The following RBFOX1 variants were observed in gnomAD, a reference collection of about 807,000 sequenced individuals.
RBFOX1 encodes RNA binding protein fox-1 homolog 1.
RBFOX1 carries 8 observed loss-of-function variants against 57.7 expected under a neutral mutation model. That is an observed-to-expected ratio of 0.14 (90% CI 0.08 to 0.25). The LOEUF is 0.25. Among genes scored for constraint, RBFOX1 ranks in the 10% least tolerant of loss-of-function variants. RBFOX1 has a pLI of 1.00. For synonymous variants in RBFOX1, 326 were observed against 222.4 expected, an observed-to-expected ratio of 1.47 and a Z score of -4.15; for missense variants, 611 against 548.5, an observed-to-expected ratio of 1.11 and a Z score of -1.14.
At chr16:5,784,158 A>C (rs2054418578) in intron 3 of RBFOX1, among the ~76,000 whole-genome samples, 1 of 152,144 alleles carries the variant, frequency 6.6e-6, no homozygotes, top group African/African-American at 2.4e-5. Context: ...GCGGTGGCTC[A>C]CGCCTATAAT....
chr16:6,940,428 TTCTC>T (rs1278506086), intron 3 of RBFOX1, among the ~76,000 whole-genome samples: 1 of 152,206 alleles, frequency 6.6e-6, no homozygotes, highest in African/African-American at 2.4e-5. Flanking sequence ...TCCTTTAATC[TTCTC>T]TCTGTCCACA....
chr16:6,899,014 C>T (rs572337713), intron 3 of RBFOX1, among the ~76,000 whole-genome samples: 750 of 50,130 alleles, frequency 0.015, 5 homozygotes, highest in African/African-American at 0.14. Flanking sequence ...TATGCATGCG[C>T]GTCTCTGTGT....
chr16:5,956,650 ATATATATT>A, intron 4 of RBFOX1, among the ~76,000 whole-genome samples: 2 of 82,712 alleles, frequency 2.4e-5, no homozygotes, highest in African/African-American at 8.9e-5. Context: ...ATATATATAT[ATATATATT>A]TATATATATA....
chr16:5,677,982 C>T (rs1296349749), intron 3 of RBFOX1, among the ~76,000 whole-genome samples: 1 of 152,214 alleles, frequency 6.6e-6, no homozygotes, highest in Non-Finnish European at 1.5e-5. Flanking sequence ...TGGTGGAGCA[C>T]CGTGGGGCTC....
At chr16:7,346,241 G>A (rs1387186682) in intron 4 of RBFOX1, among the ~76,000 whole-genome samples, 1 of 151,972 alleles carries the variant, frequency 6.6e-6, no homozygotes, top group East Asian at 2.0e-4. Context: ...TGGACATTTG[G>A]TTTGGTTCCA....
At chr16:7,099,647 T>C (rs2062321062) in intron 4 of RBFOX1, among the ~76,000 whole-genome samples, 3 of 152,148 alleles carry the variant, frequency 2.0e-5, no homozygotes, top group Admixed American at 1.3e-4. Context: ...CTTGCTTTTA[T>C]ACATTTAGGG....
At chr16:6,992,855 G>C (rs898762790) in intron 3 of RBFOX1, among the ~76,000 whole-genome samples, 2 of 85,692 alleles carry the variant, frequency 2.3e-5, no homozygotes, top group African/African-American at 8.6e-5. Context: ...AAAAAAAAAA[G>C]ATTTGTGATA....
chr16:5,446,549 C>T (rs2068244918), intron 1 of RBFOX1, among the ~76,000 whole-genome samples: 1 of 152,086 alleles, frequency 6.6e-6, no homozygotes, highest in East Asian at 1.9e-4. Context: ...CTGTCCTCTT[C>T]CTCCTCCTCC....
At chr16:6,242,793 AAC>A (rs2097547019) in intron 1 of RBFOX1, among the ~76,000 whole-genome samples, 3 of 152,150 alleles carry the variant, frequency 2.0e-5, no homozygotes, top group Non-Finnish European at 1.5e-5. Flanking sequence ...ATAAACACAT[AAC>A]CCTTGTTTTA....
At chr16:5,414,917 T>C (rs2067121416) in intron 1 of RBFOX1, among the ~76,000 whole-genome samples, 1 of 152,086 alleles carries the variant, frequency 6.6e-6, no homozygotes, top group Non-Finnish European at 1.5e-5. Flanking sequence ...GGTGCAGGGG[T>C]AATAGTCCAT....
intron 1 of RBFOX1, among the ~76,000 whole-genome samples, chr16:6,182,129 C>T (rs1245980778): frequency 1.3e-5 from 2 of 152,162 alleles, no homozygotes; most frequent in South Asian, 4.1e-4. Context: ...CTGTTTGCCA[C>T]TCATTCTTTG....
At chr16:6,221,640 A>G (rs1431072939) in intron 1 of RBFOX1, among the ~76,000 whole-genome samples, 2 of 152,180 alleles carry the variant, frequency 1.3e-5, no homozygotes, top group Non-Finnish European at 2.9e-5. Context: ...GTAATTTATG[A>G]AGGAAAGAGG....
chr16:7,255,874 A>C (rs1388094030), intron 4 of RBFOX1, among the ~76,000 whole-genome samples: 1 of 152,196 alleles, frequency 6.6e-6, no homozygotes. Context: ...TCATGTGTTC[A>C]ATAGCCACAT....
chr16:6,822,554 C>A (rs147334430), intron 3 of RBFOX1, among the ~76,000 whole-genome samples: 2 of 152,194 alleles, frequency 1.3e-5, no homozygotes, highest in Non-Finnish European at 2.9e-5. Flanking sequence ...CATGTCTTGC[C>A]GTGCACAGTG....
At chr16:6,728,740 A>G (rs987035556) in intron 3 of RBFOX1, among the ~76,000 whole-genome samples, 3 of 152,186 alleles carry the variant, frequency 2.0e-5, no homozygotes, top group Non-Finnish European at 4.4e-5. Flanking sequence ...TAGAAGAAAC[A>G]CGGTGTCTCC....
chr16:5,564,157 C>A (rs2045982181), intron 2 of RBFOX1, among the ~76,000 whole-genome samples: 1 of 151,980 alleles, frequency 6.6e-6, no homozygotes, highest in African/African-American at 2.4e-5. Flanking sequence ...AGATTATGGT[C>A]CGCACCACCA....
chr16:7,395,411 G>T (rs1241493597), intron 4 of RBFOX1, among the ~76,000 whole-genome samples: 1 of 152,216 alleles, frequency 6.6e-6, no homozygotes, highest in Non-Finnish European at 1.5e-5. Context: ...AGCTGTAAAT[G>T]AAACATTAGG....
At position 6,662,752 on chromosome 16, in the gene RBFOX1, C is replaced by A. The variant is rs73529871; in HGVS notation, c.-16+8102C>A. ...CCTGACAGGCAATTCTGGCATCTGG[C>A]TATAACCGAATGACAGTGTTTTACT... On this transcript the variant is annotated intron_variant, in intron 3 of 15. Coordinates refer to ENST00000550418, the MANE Select transcript of RBFOX1 (RefSeq NM_018723.4). Among the ~76,000 whole-genome samples, 326 of 152,302 alleles carry A rather than the reference C, an allele frequency of 2.1e-3. 1 individual carries two copies. The highest frequency in any genetic ancestry group is 7.8e-3 in the African/African-American group (323 of 41,566).
chr16:7,105,399 T>C (rs1334910632), intron 4 of RBFOX1, among the ~76,000 whole-genome samples: 2 of 151,860 alleles, frequency 1.3e-5, no homozygotes, highest in Non-Finnish European at 2.9e-5. Context: ...TCTTCAGTGG[T>C]GATTTGTGAG....
Sources: gnomAD v4.1 joint callset for allele counts (sites outside exome capture counted in the v4.1 genomes callset) on GRCh38, gnomAD v4.1.1 for gene constraint, MANE v1.5 for transcripts, NCBI Gene and HGNC (gene_info 2026-07-23, HGNC 2026-07-21) for gene names.